Variants in SV2C observed in about 807,000 individuals in gnomAD.
SV2C encodes solute carrier family 22 member B3.
Under a neutral mutation model 79.7 loss-of-function variants are expected in SV2C, and 49 were observed. That is an observed-to-expected ratio of 0.61 (90% CI 0.49 to 0.78). SV2C has a LOEUF of 0.78. SV2C is among the 30% of genes least tolerant of loss of function. The probability of loss-of-function intolerance (pLI) is 0.00; values close to 1 mark genes in which losing one functional copy is unlikely to be tolerated. For missense variants in SV2C, 833 were observed against 912.9 expected, an observed-to-expected ratio of 0.91 and a Z score of 1.13; for synonymous variants, 334 against 333.2, an observed-to-expected ratio of 1.00 and a Z score of -0.03.
Position 76,186,298 on chromosome 5 carries a change from G to A in SV2C, c.581-8621G>A, listed in dbSNP as rs542666228. Among the ~76,000 whole-genome samples, 12 of 152,208 alleles carry A rather than the reference G, an allele frequency of 7.9e-5. No individual in the cohort carries two copies. In the South Asian group the frequency reaches 2.3e-3, roughly 29 times the overall value. The stretch of plus-strand genomic sequence containing the variant: ...TTCCAAAGTCGTTTCCACATTTTCG[G>A]GTATCTTTAGAGCAGTGCTTCACTA... On this transcript the variant is annotated intron_variant, in intron 2 of 12. Coordinates refer to ENST00000502798, the MANE Select transcript of SV2C (RefSeq NM_014979.4).
At chr5:76,049,512 G>A in the SV2C span, among the ~76,000 whole-genome samples, 2 of 152,086 alleles carry the variant, frequency 1.3e-5, no homozygotes, top group East Asian at 1.9e-4. Flanking sequence ...TCTAGCAAAG[G>A]GTGAATGATG....
At position 76,218,437 on chromosome 5, in the gene SV2C, G is replaced by A. The variant is rs148983644; in HGVS notation, c.913+8550G>A. ...ATACTATGCAGCCATAAAAAATAAT[G>A]AGCTCATGTCCTTTGCAGGGGCATG... On this transcript the variant is annotated intron_variant, in intron 4 of 12. Transcript: ENST00000502798. Among the ~76,000 whole-genome samples the A allele has an allele frequency of 5.7e-3, 864 of 152,248 alleles. 8 individuals carry two copies. The highest frequency in any genetic ancestry group is 7.2e-3 in the Non-Finnish European group (488 of 68,018).
chr5:75,905,707 T>G, the SV2C span, among the ~76,000 whole-genome samples: 1 of 152,022 alleles, frequency 6.6e-6, no homozygotes, highest in Non-Finnish European at 1.5e-5. Context: ...TCACTTATCA[T>G]CAGGGCCTCC....
chr5:76,167,668 C>G (rs560825680), intron 2 of SV2C, among the ~76,000 whole-genome samples: 204 of 152,266 alleles, frequency 1.3e-3, no homozygotes, highest in Non-Finnish European at 2.3e-3. Flanking sequence ...AAATGATGGT[C>G]AGAGAGGTTA....
chr5:76,259,199 T>G (rs947277353), intron 4 of SV2C, among the ~76,000 whole-genome samples: 3 of 152,218 alleles, frequency 2.0e-5, no homozygotes, highest in Admixed American at 6.5e-5. Flanking sequence ...TTCTCTTGGA[T>G]AAATTCCCAG....
the SV2C span, among the ~76,000 whole-genome samples, chr5:75,925,516 T>C: frequency 1.3e-5 from 2 of 152,120 alleles, no homozygotes; most frequent in Non-Finnish European, 2.9e-5. Context: ...ACAGTTCCCT[T>C]CCAATCTCCA....
At chr5:75,973,409 G>A in the SV2C span, among the ~76,000 whole-genome samples, 1 of 151,656 alleles carries the variant, frequency 6.6e-6, no homozygotes, top group South Asian at 2.1e-4. Context: ...GTAGGAGGAT[G>A]GTTTGAGCCA....
At chr5:76,156,007 G>C (rs944650158) in intron 2 of SV2C, among the ~76,000 whole-genome samples, 1 of 150,044 alleles carries the variant, frequency 6.7e-6, no homozygotes, top group Non-Finnish European at 1.5e-5. Context: ...GAAGAGATTG[G>C]TAGATTCATT....
intron 12 of SV2C, among the ~76,000 whole-genome samples, chr5:76,349,319 C>T (rs953592978): frequency 2.0e-5 from 3 of 152,188 alleles, no homozygotes; most frequent in African/African-American, 7.2e-5. Flanking sequence ...CGAGACCAGG[C>T]TGGCCAACAT....
At chr5:76,288,408 T>G (rs1321664245) in intron 6 of SV2C, among the ~76,000 whole-genome samples, 4 of 152,222 alleles carry the variant, frequency 2.6e-5, no homozygotes, top group Non-Finnish European at 4.4e-5. Context: ...AAGTAATGGA[T>G]ATCCTCAATT....
At chr5:76,317,960 C>T (rs1274718034) in intron 12 of SV2C, among the ~76,000 whole-genome samples, 1 of 152,138 alleles carries the variant, frequency 6.6e-6, no homozygotes. Context: ...CTAAGTGCCA[C>T]CATTTTTCAG....
the SV2C span, among the ~76,000 whole-genome samples, chr5:75,888,437 C>T: frequency 6.6e-6 from 1 of 151,984 alleles, no homozygotes; most frequent in Non-Finnish European, 1.5e-5. Context: ...ACGTCACTCC[C>T]TTCATCACTC....
At chr5:76,201,389 T>C (rs1744436783) in intron 3 of SV2C, among the ~76,000 whole-genome samples, 1 of 152,190 alleles carries the variant, frequency 6.6e-6, no homozygotes, top group South Asian at 2.1e-4. Flanking sequence ...CGGGAGCTTC[T>C]CACTGAGGGC....
the SV2C span, among the ~76,000 whole-genome samples, chr5:76,068,258 G>A: frequency 6.6e-6 from 1 of 151,828 alleles, no homozygotes; most frequent in Non-Finnish European, 1.5e-5. Context: ...GTCAGGAGTG[G>A]GTGTGAAATT....
chr5:76,175,398 G>A (rs1356916852), intron 2 of SV2C, among the ~76,000 whole-genome samples: 3 of 152,106 alleles, frequency 2.0e-5, no homozygotes, highest in African/African-American at 4.8e-5. Flanking sequence ...AAGGGAATTT[G>A]TCCTTTAAAG....
In SV2C at chr5:76,166,439, G is replaced by A. The variant is rs540770343; in HGVS notation, c.581-28480G>A. Among the ~76,000 whole-genome samples, 12 of 147,706 alleles carry A rather than the reference G, an allele frequency of 8.1e-5. No individual in the cohort carries two copies. The South Asian group carries it at 1.8e-3, about 22-fold the overall frequency. On this transcript the variant is annotated intron_variant, in intron 2 of 12. Transcript: ENST00000502798. ...TGATTGTAAAGAGATAGAAGGAATG[G>A]AACTTGAAACAAATTCAAATAAAAG...
At chr5:75,861,001 A>G in the SV2C span, among the ~76,000 whole-genome samples, 1 of 152,308 alleles carries the variant, frequency 6.6e-6, no homozygotes, top group Non-Finnish European at 1.5e-5. Flanking sequence ...AAACTTAGGA[A>G]ACACTATTCT....
At chr5:76,041,588 T>G in the SV2C span, among the ~76,000 whole-genome samples, 1 of 152,118 alleles carries the variant, frequency 6.6e-6, no homozygotes, top group Non-Finnish European at 1.5e-5. Flanking sequence ...GCGAATGGGC[T>G]CCACATGGAC....
chr5:75,986,078 A>G, the SV2C span, among the ~76,000 whole-genome samples: 702 of 149,130 alleles, frequency 4.7e-3, 2 homozygotes, highest in African/African-American at 0.015. Context: ...TTTACATACT[A>G]AAGTCGGTTG....
Sources: gnomAD v4.1 joint callset for allele counts (sites outside exome capture counted in the v4.1 genomes callset) on GRCh38, gnomAD v4.1.1 for gene constraint, MANE v1.5 for transcripts, NCBI Gene and HGNC (gene_info 2026-07-23, HGNC 2026-07-21) for gene names.